The following QSER1 variants were observed in gnomAD, a reference collection of about 807,000 sequenced individuals.
The protein encoded by QSER1 is glutamine and serine rich 1.
QSER1 carries 49 observed loss-of-function variants against 158.5 expected under a neutral mutation model. The observed-to-expected ratio is 0.31, with a 90% CI of 0.25 to 0.39. The LOEUF (loss-of-function observed/expected upper bound fraction) is 0.39, where lower values mean the gene tolerates loss of function less well. QSER1 is among the 10% of genes least tolerant of loss of function. QSER1 has a pLI of 1.00. For missense variants in QSER1, 1,754 were observed against 2,010.3 expected (o/e 0.87, Z 2.44); for synonymous variants, 650 against 715.5 (o/e 0.91, Z 1.46).
chr11:32,954,212 A>T, intron 5 of QSER1, 33 bp downstream of exon 5: 2 of 1,582,546 alleles, frequency 1.3e-6, no homozygotes, highest in Non-Finnish European at 1.7e-6. Context: ...TAAAGGTCAT[A>T]GTTTAGTTAG....
chr11:32,897,436 G>A (rs1851569050), intron 1 of QSER1, among the ~76,000 whole-genome samples: 1 of 152,166 alleles, frequency 6.6e-6, no homozygotes, highest in African/African-American at 2.4e-5. Flanking sequence ...CCTTATTTAA[G>A]TGTTCTTTGT....
intron 1 of QSER1, among the ~76,000 whole-genome samples, chr11:32,918,226 G>A (rs1475778933): frequency 1.3e-5 from 2 of 152,090 alleles, no homozygotes; most frequent in Non-Finnish European, 2.9e-5. Flanking sequence ...TGCTTGGGAT[G>A]TACCAGTGAA....
intron 1 of QSER1, among the ~76,000 whole-genome samples, chr11:32,898,818 C>G (rs1030163622): frequency 3.3e-5 from 5 of 152,226 alleles, no homozygotes; most frequent in African/African-American, 1.2e-4. Context: ...AAGCAGTCTT[C>G]CTGCCTTGGC....
chr11:32,932,951 C>T lies in QSER1; in HGVS notation c.1693C>T (p.Pro565Ser). The T allele has an allele frequency of 6.2e-7, 1 of 1,613,350 alleles. No individual in the cohort carries two copies. ...ATCTGGTCACTCTCAGGGTTTATCA[C>T]CAGTTAGCCAGACACAGGTTAGCTA... ...YSSGHSQGLSPVSQTQVSYSS... is the reference protein window; with the variant it reads ...YSSGHSQGLSSVSQTQVSYSS... The change falls in exon 4 of 13, where the codon CCA (proline) becomes TCA (serine). Residue 565 changes from proline (P) to serine (S), a missense_variant. Pro to Ser is a moderately conservative substitution (Grantham distance 74, BLOSUM62 -1). Transcript: ENST00000650167.
At chr11:32,909,178 A>G (rs1851732719) in intron 1 of QSER1, among the ~76,000 whole-genome samples, 3 of 152,062 alleles carry the variant, frequency 2.0e-5, no homozygotes, top group South Asian at 2.1e-4. Flanking sequence ...AAAGAAATAT[A>G]TGGATGTTCC....
intron 1 of QSER1, among the ~76,000 whole-genome samples, chr11:32,908,960 G>C (rs1210378030): frequency 2.0e-5 from 3 of 152,116 alleles, no homozygotes; most frequent in Non-Finnish European, 4.4e-5. Flanking sequence ...AGAAGTTCAA[G>C]ACCAACCTGG....
chr11:32,924,397 GTC>G (rs1483218205), intron 1 of QSER1, among the ~76,000 whole-genome samples: 1 of 151,680 alleles, frequency 6.6e-6, no homozygotes, highest in African/African-American at 2.4e-5. Flanking sequence ...GACAAGCTTT[GTC>G]TCTACAAAAA....
At chr11:32,927,698 C>T (rs1218087437) in intron 2 of QSER1, among the ~76,000 whole-genome samples, 2 of 152,146 alleles carry the variant, frequency 1.3e-5, no homozygotes, top group Non-Finnish European at 2.9e-5. Flanking sequence ...TGAGCCGCCA[C>T]GCCCGACCAA....
At chr11:32,963,005 C>A (rs1852654225) in intron 8 of QSER1, among the ~76,000 whole-genome samples, 1 of 152,226 alleles carries the variant, frequency 6.6e-6, no homozygotes, top group Non-Finnish European at 1.5e-5. Context: ...TGTATGGGTG[C>A]TCCTCCTGGT....
In QSER1 at chr11:32,937,451, AT is replaced by A. The variant is rs977128703; in HGVS notation, c.4177+2025del. Among the ~76,000 whole-genome samples the A allele has an allele frequency of 1.1e-3, 166 of 151,284 alleles. 1 individual carries two copies. Among genetic ancestry groups the A allele is most frequent in the African/African-American group, 2.6e-3 (106 of 41,254 alleles). ...AGGCACATGCCACCATGCCTGGCTA[AT>A]TTTTTTTTAATCTGTTGTAGAGATG... On this transcript the variant is annotated intron_variant, in intron 4 of 12. Transcript: ENST00000650167.
intron 4 of QSER1, among the ~76,000 whole-genome samples, chr11:32,938,387 C>T (rs774264296): frequency 1.3e-5 from 2 of 152,210 alleles, no homozygotes; most frequent in Non-Finnish European, 2.9e-5. Context: ...TTGAGGTGAT[C>T]GTGAGTTAAA....
intron 1 of QSER1, among the ~76,000 whole-genome samples, chr11:32,901,902 G>A (rs1020590680): frequency 1.3e-5 from 2 of 152,172 alleles, no homozygotes; most frequent in Non-Finnish European, 2.9e-5. Context: ...TGGGCAACAT[G>A]GTGAAACCCC....
Position 32,934,876 on chromosome 11 carries a change from A to G in QSER1, c.3618A>G (p.Lys1206=). 1 of 1,614,072 alleles carries G rather than the reference A, an allele frequency of 6.2e-7. No individual in the cohort carries two copies. The highest frequency in any genetic ancestry group is 1.1e-5 in the South Asian group (1 of 91,078). Residue 1206 remains lysine, a synonymous_variant, in exon 4 of 13, where the codon AAA becomes AAG. Coordinates refer to ENST00000650167, the MANE Select transcript of QSER1 (RefSeq NM_001076786.3). Reference sequence around the variant, plus strand: ...TTAACCTTCAAAAGAAAAGAGCTAAAGGAAAAGGGCAAGTTAAAGAGGAAG... The same window carrying G: ...TTAACCTTCAAAAGAAAAGAGCTAAGGGAAAAGGGCAAGTTAAAGAGGAAG... ...MHFNLQKKRA[K]GKGQVKEEDN...
chr11:32,976,536 A>C lies in QSER1; in HGVS notation c.*62A>C. ...TGAAATGGCAGATATGGGGTGGTCA[A>C]AGATAATCAGATGTCAAGTAGTGGC... On this transcript the variant is annotated 3_prime_UTR_variant, in exon 13 of 13. Coordinates refer to ENST00000650167, the MANE Select transcript of QSER1 (RefSeq NM_001076786.3). 1 of 1,564,266 alleles carries C rather than the reference A, an allele frequency of 6.4e-7. No homozygotes were observed. The highest frequency in any genetic ancestry group is 8.7e-7 in the Non-Finnish European group (1 of 1,147,600).
At chr11:32,948,474 A>G (rs1318742046) in intron 4 of QSER1, among the ~76,000 whole-genome samples, 4 of 152,120 alleles carry the variant, frequency 2.6e-5, no homozygotes, top group Non-Finnish European at 5.9e-5. Context: ...AAAAACAAAA[A>G]AACAGTTAGG....
chr11:32,946,892 G>A (rs1368313529), intron 4 of QSER1, among the ~76,000 whole-genome samples: 1 of 152,194 alleles, frequency 6.6e-6, no homozygotes, highest in Admixed American at 6.5e-5. Flanking sequence ...ACTCCGTGGG[G>A]TAGGACCCTC....
rs559902288 is a variant in QSER1 at position 32,915,869 on chromosome 11, G to A, written c.210-11288G>A. ...AACCACCTTCTTTTGGTAGTGTTGC[G>A]TAGTTCATGAAAAATTAAAAATGAT... On this transcript the variant is annotated intron_variant, in intron 1 of 12. Transcript: ENST00000650167. 9.9e-5 allele frequency among the ~76,000 whole-genome samples: 15 copies of A among 151,876 alleles called. 1 individual carries two copies. The highest frequency in any genetic ancestry group is 2.1e-4 in the South Asian group (1 of 4,810).
chr11:32,938,204 G>A (rs1852180285), intron 4 of QSER1, among the ~76,000 whole-genome samples: 1 of 152,164 alleles, frequency 6.6e-6, no homozygotes, highest in South Asian at 2.1e-4. Flanking sequence ...GATACAGTCA[G>A]TATATAGTAA....
chr11:32,976,254 A>AAAT (rs1313582692), intron 12 of QSER1, 80 bp from the exon 13 acceptor site: 1 of 1,250,906 alleles, frequency 8.0e-7, no homozygotes, highest in African/African-American at 1.6e-5. Flanking sequence ...ATTAAGAAAA[A>AAAT]AATAAAATAC....
Sources: allele counts gnomAD v4.1 joint callset (sites outside exome capture counted in the v4.1 genomes callset), GRCh38; gene constraint gnomAD v4.1.1; transcripts MANE v1.5; gene names NCBI Gene and HGNC (gene_info 2026-07-23, HGNC 2026-07-21).